LRRC3B: variants seen among roughly 807,000 people sequenced by gnomAD.
LRRC3B encodes the protein leucine-rich repeat-containing protein 3B.
Under a neutral mutation model 12.8 loss-of-function variants are expected in LRRC3B, and 2 were observed. That is an observed-to-expected ratio of 0.16 (90% CI 0.06 to 0.49). LRRC3B has a LOEUF of 0.49. Among genes scored for constraint, LRRC3B ranks in the 20% least tolerant of loss-of-function variants. The pLI is 0.96. For synonymous variants in LRRC3B, 132 were observed against 122.0 expected (o/e 1.08, Z -0.54); for missense variants, 189 against 319.4 (o/e 0.59, Z 3.11).
At chr3:26,662,193 C>A (rs2125423732) in intron 1 of LRRC3B, among the ~76,000 whole-genome samples, 1 of 152,236 alleles carries the variant, frequency 6.6e-6, no homozygotes, top group African/African-American at 2.4e-5. Context: ...CTTGTCCTAT[C>A]TTATTTTTTC....
At chr3:26,663,217 G>T (rs917920800) in intron 1 of LRRC3B, among the ~76,000 whole-genome samples, 2 of 152,094 alleles carry the variant, frequency 1.3e-5, no homozygotes, top group African/African-American at 2.4e-5. Flanking sequence ...ATATTTTTGT[G>T]CCAGAGTTAG....
At chr3:26,666,116 A>T (rs545152241) in intron 1 of LRRC3B, among the ~76,000 whole-genome samples, 1 of 152,302 alleles carries the variant, frequency 6.6e-6, no homozygotes, top group Admixed American at 6.5e-5. Context: ...ATTTATGTCC[A>T]TAAGTTTATC....
chr3:26,705,605 CTCT>C (rs1250149567), intron 1 of LRRC3B, among the ~76,000 whole-genome samples: 1 of 152,060 alleles, frequency 6.6e-6, no homozygotes, highest in Non-Finnish European at 1.5e-5. Context: ...TAGGAAGGCA[CTCT>C]TCTTGCCCAG....
chr3:26,674,646 G>T (rs1699819963), intron 1 of LRRC3B, among the ~76,000 whole-genome samples: 1 of 152,130 alleles, frequency 6.6e-6, no homozygotes, highest in South Asian at 2.1e-4. Context: ...GGGTTTGATG[G>T]TAAATATATA....
At chr3:26,649,737 C>A (rs1224214765) in intron 1 of LRRC3B, among the ~76,000 whole-genome samples, 1 of 152,104 alleles carries the variant, frequency 6.6e-6, no homozygotes, top group African/African-American at 2.4e-5. Flanking sequence ...CATTTGGTAA[C>A]CTTAAACTAT....
chr3:26,636,027 T>C (rs939821606), intron 1 of LRRC3B, among the ~76,000 whole-genome samples: 1 of 152,190 alleles, frequency 6.6e-6, no homozygotes, highest in African/African-American at 2.4e-5. Context: ...TTTTTTTTAC[T>C]AGCTCACCCC....
At chr3:26,693,100 A>G (rs987834457) in intron 1 of LRRC3B, among the ~76,000 whole-genome samples, 36 of 151,780 alleles carry the variant, frequency 2.4e-4, no homozygotes, top group Admixed American at 2.0e-3. Flanking sequence ...GGAGGCCGAG[A>G]CGGGCGGATC....
chr3:26,706,367 T>C lies in LRRC3B; in HGVS notation c.-160-3146T>C, dbSNP rs1469633601. 3.3e-5 allele frequency among the ~76,000 whole-genome samples: 5 copies of C among 152,194 alleles called. No individual in the cohort carries two copies. In the South Asian group the frequency reaches 1.0e-3, roughly 32 times the overall value. On this transcript the variant is annotated intron_variant, in intron 1 of 1. Coordinates refer to ENST00000396641, the Ensembl canonical transcript of LRRC3B. ...CTACATCCTGCATCTTTTGTCACTT[T>C]ATTCTGGCTGGGGGTGATGGCTCTA...
intron 1 of LRRC3B, among the ~76,000 whole-genome samples, chr3:26,658,181 A>G (rs1401160270): frequency 1.3e-5 from 2 of 152,054 alleles, no homozygotes; most frequent in African/African-American, 2.4e-5. Flanking sequence ...GGTTCACGCC[A>G]TTCTCCTGCC....
At chr3:26,685,105 C>G (rs1429906420) in intron 1 of LRRC3B, among the ~76,000 whole-genome samples, 3 of 152,082 alleles carry the variant, frequency 2.0e-5, no homozygotes, top group Non-Finnish European at 4.4e-5. Flanking sequence ...GGGCGTGTGC[C>G]ACCACACCCA....
intron 1 of LRRC3B, among the ~76,000 whole-genome samples, chr3:26,664,062 T>C (rs1188146034): frequency 6.6e-6 from 1 of 152,142 alleles, no homozygotes; most frequent in African/African-American, 2.4e-5. Context: ...CATAGAAGTC[T>C]TCCTATGCTT....
At chr3:26,657,669 T>C (rs1395411549) in intron 1 of LRRC3B, among the ~76,000 whole-genome samples, 2 of 152,198 alleles carry the variant, frequency 1.3e-5, no homozygotes, top group African/African-American at 4.8e-5. Flanking sequence ...TCTTTTTTTT[T>C]TCTTGTTGAA....
chr3:26,642,148 T>G (rs1699043517), intron 1 of LRRC3B, among the ~76,000 whole-genome samples: 1 of 152,244 alleles, frequency 6.6e-6, no homozygotes, highest in South Asian at 2.1e-4. Flanking sequence ...CTACATTCAC[T>G]CTGTTGTGAT....
chr3:26,707,696 G>GTGTT (rs1272781317), intron 1 of LRRC3B, among the ~76,000 whole-genome samples: 1 of 152,002 alleles, frequency 6.6e-6, no homozygotes, highest in Admixed American at 6.6e-5. Flanking sequence ...TCCATCTCCT[G>GTGTT]TGTTTTTCTC....
At chr3:26,635,541 CAGTG>C (rs199957374) in intron 1 of LRRC3B, among the ~76,000 whole-genome samples, 1,983 of 152,292 alleles carry the variant, frequency 0.013, 33 homozygotes, top group African/African-American at 0.044. Flanking sequence ...TGTGAGGACA[CAGTG>C]AGAAGGCGGC....
At chr3:26,707,051 T>C (rs1459507074) in intron 1 of LRRC3B, among the ~76,000 whole-genome samples, 1 of 152,064 alleles carries the variant, frequency 6.6e-6, no homozygotes, top group African/African-American at 2.4e-5. Context: ...CATCGAACTT[T>C]TACTACCAAT....
At chr3:26,677,233 C>T (rs11916104) in intron 1 of LRRC3B, among the ~76,000 whole-genome samples, 7 of 151,990 alleles carry the variant, frequency 4.6e-5, no homozygotes, top group Non-Finnish European at 7.4e-5. Flanking sequence ...ACTTATCATA[C>T]AAGGAAGCCA....
chr3:26,678,327 C>G (rs1387762823), intron 1 of LRRC3B, among the ~76,000 whole-genome samples: 3 of 151,906 alleles, frequency 2.0e-5, no homozygotes, highest in Non-Finnish European at 4.4e-5. Flanking sequence ...AACCCCATCT[C>G]TACTAAACAT....
chr3:26,649,947 C>T (rs1008584437), intron 1 of LRRC3B, among the ~76,000 whole-genome samples: 6 of 152,120 alleles, frequency 3.9e-5, no homozygotes, highest in Admixed American at 6.6e-5. Flanking sequence ...CTCTACTTAT[C>T]CAGTGCAATT....
Sources: gnomAD v4.1 joint callset for allele counts (sites outside exome capture counted in the v4.1 genomes callset) on GRCh38, gnomAD v4.1.1 for gene constraint, MANE v1.5 for transcripts, NCBI Gene and HGNC (gene_info 2026-07-23, HGNC 2026-07-21) for gene names.